Variants in ZMAT4 observed in about 807,000 individuals in gnomAD.
The protein encoded by ZMAT4 is zinc finger matrin-type protein 4.
Under a neutral mutation model 28.7 loss-of-function variants are expected in ZMAT4, and 17 were observed. That is an observed-to-expected ratio of 0.59 (90% confidence interval 0.41 to 0.89). The LOEUF is 0.89. Ranked by LOEUF, ZMAT4 falls within the 40% of genes least tolerant of loss-of-function variation. The pLI, the probability that ZMAT4 is intolerant of heterozygous loss-of-function variation, is 0.00. For missense variants in ZMAT4, 240 were observed against 283.8 expected (o/e 0.85, Z 1.11); for synonymous variants, 117 against 109.2 (o/e 1.07, Z -0.44).
chr8:40,722,488 T>C (rs377248167), intron 3 of ZMAT4, among the ~76,000 whole-genome samples: 4 of 152,310 alleles, frequency 2.6e-5, no homozygotes, highest in African/African-American at 9.6e-5. Flanking sequence ...CCCAGCTTTA[T>C]TATGCTTGTA....
chr8:40,842,635 G>T (rs1368794375), intron 1 of ZMAT4, among the ~76,000 whole-genome samples: 1 of 152,156 alleles, frequency 6.6e-6, no homozygotes, highest in Non-Finnish European at 1.5e-5. Context: ...CAGTGACATA[G>T]AAAGTCCATG....
chr8:40,852,772 G>A (rs1183705665), intron 1 of ZMAT4, among the ~76,000 whole-genome samples: 1 of 152,182 alleles, frequency 6.6e-6, no homozygotes, highest in Non-Finnish European at 1.5e-5. Flanking sequence ...TCAGAGTTAT[G>A]TAGATCTTCC....
chr8:40,689,688 ATCT>A (rs1175244547), intron 4 of ZMAT4, among the ~76,000 whole-genome samples: 1 of 151,612 alleles, frequency 6.6e-6, no homozygotes, highest in African/African-American at 2.4e-5. Context: ...TTGCCAGAAA[ATCT>A]TCTGCTTGTA....
At position 40,606,686 on chromosome 8, in the gene ZMAT4, C is replaced by T. The variant is rs143609694; in HGVS notation, c.578-25425G>A. Among the ~76,000 whole-genome samples the T allele has an allele frequency of 6.9e-3, 1,050 of 152,212 alleles. 12 individuals carry two copies. The highest frequency in any genetic ancestry group is 0.022 in the African/African-American group (915 of 41,522). ...GATTATCTTTTTGCAGTGAATTTCC[C>T]GGGTGTTGTTTGAGCTTCTTGTATT... On this transcript the variant is annotated intron_variant, in intron 5 of 6. Transcript: ENST00000297737.
chr8:40,890,541 G>A (rs1187954405), intron 1 of ZMAT4, among the ~76,000 whole-genome samples: 1 of 151,900 alleles, frequency 6.6e-6, no homozygotes, highest in Non-Finnish European at 1.5e-5. Flanking sequence ...TTCTCACCTG[G>A]ACAGCAGCAA....
chr8:40,613,627 T>C (rs1203912334), intron 5 of ZMAT4, among the ~76,000 whole-genome samples: 1 of 152,220 alleles, frequency 6.6e-6, no homozygotes, highest in Non-Finnish European at 1.5e-5. Context: ...TCTGCTTCTG[T>C]ATTAAATGTA....
At chr8:40,599,025 T>C (rs967039136) in intron 5 of ZMAT4, among the ~76,000 whole-genome samples, 6 of 152,206 alleles carry the variant, frequency 3.9e-5, no homozygotes, top group East Asian at 1.9e-4. Context: ...TTTTCTGAAC[T>C]CTTAAATGCC....
chr8:40,823,140 C>A lies in ZMAT4; in HGVS notation c.102+2435G>T, dbSNP rs145064609. Among the ~76,000 whole-genome samples the A allele has an allele frequency of 4.6e-5, 7 of 152,246 alleles. No homozygotes were observed. The East Asian group carries it at 7.7e-4, about 17-fold the overall frequency. ...TGCAGTTTTTTCACACACCCACCCC[C>A]TCCACGAACCCTCACTGAACACCTG... On this transcript the variant is annotated intron_variant, in intron 2 of 6. Transcript: ENST00000297737.
At position 40,862,135 on chromosome 8, in the gene ZMAT4, G is replaced by A. The variant is rs1438384668; in HGVS notation, c.-5+35548C>T. On this transcript the variant is annotated intron_variant, in intron 1 of 6. Coordinates refer to ENST00000297737, the MANE Select transcript of ZMAT4 (RefSeq NM_024645.3). ...CACACGCACACGTATGTTTATTGCG[G>A]CACTATACACAATAGCAAAGACTTG... is the stretch of plus-strand genomic sequence containing the variant. Among the ~76,000 whole-genome samples, 11 of 91,440 alleles carry A rather than the reference G, an allele frequency of 1.2e-4. 1 individual carries two copies. The South Asian group carries it at 3.5e-3, about 29-fold the overall frequency. The allele number at this position is 91,440 out of a possible 152,430, so 60.0% of individuals were successfully genotyped here. A position where few individuals can be genotyped will look rare whatever the true frequency, so the allele number is the denominator to read the frequency against.
intron 2 of ZMAT4, among the ~76,000 whole-genome samples, chr8:40,803,929 A>G (rs938000744): frequency 6.6e-6 from 1 of 152,224 alleles, no homozygotes; most frequent in African/African-American, 2.4e-5. Flanking sequence ...ATGAAAAGAC[A>G]TGAAGGAAAC....
chr8:40,662,564 A>C (rs1286054803), intron 5 of ZMAT4, among the ~76,000 whole-genome samples: 1 of 152,142 alleles, frequency 6.6e-6, no homozygotes, highest in Non-Finnish European at 1.5e-5. Context: ...AGACTTAACC[A>C]AGCGTCTTTA....
chr8:40,610,829 T>G (rs1445882931), intron 5 of ZMAT4, among the ~76,000 whole-genome samples: 1 of 150,816 alleles, frequency 6.6e-6, no homozygotes, highest in East Asian at 1.9e-4. Context: ...GAATAAGAGA[T>G]AGGCCATAGA....
intron 5 of ZMAT4, among the ~76,000 whole-genome samples, chr8:40,647,172 T>G (rs984774154): frequency 2.0e-4 from 31 of 152,140 alleles, no homozygotes; most frequent in Non-Finnish European, 4.3e-4. Context: ...ACCAGGTTCA[T>G]CTCACTAGGG....
chr8:40,895,198 C>T (rs934317556), intron 1 of ZMAT4, among the ~76,000 whole-genome samples: 5 of 152,158 alleles, frequency 3.3e-5, no homozygotes, highest in Admixed American at 2.6e-4. Flanking sequence ...GAGGAGAAAA[C>T]GCTGGGTCTG....
chr8:40,891,794 A>G (rs1271230913), intron 1 of ZMAT4, among the ~76,000 whole-genome samples: 1 of 152,046 alleles, frequency 6.6e-6, no homozygotes, highest in Admixed American at 6.5e-5. Flanking sequence ...GCGCCTCCCC[A>G]CACTCACTGC....
intron 5 of ZMAT4, among the ~76,000 whole-genome samples, chr8:40,589,764 T>TTTCTTTCTTTC (rs1804806174): frequency 7.4e-6 from 1 of 135,920 alleles, no homozygotes; most frequent in South Asian, 2.4e-4. Flanking sequence ...TTCTTTCTTT[T>TTTCTTTCTTTC]TCTTTCTTTC....
At chr8:40,691,619 C>A (rs918337878) in intron 4 of ZMAT4, among the ~76,000 whole-genome samples, 7 of 152,072 alleles carry the variant, frequency 4.6e-5, no homozygotes, top group Admixed American at 2.6e-4. Flanking sequence ...ATACAGAATC[C>A]TCAAACAATG....
At chr8:40,558,480 G>A (rs1803620651) in intron 6 of ZMAT4, among the ~76,000 whole-genome samples, 1 of 152,070 alleles carries the variant, frequency 6.6e-6, no homozygotes, top group African/African-American at 2.4e-5. Flanking sequence ...TGTGGAGGTG[G>A]AGTCACAGAA....
In ZMAT4 at chr8:40,593,246, C is replaced by G. The variant is rs117621423; in HGVS notation, c.578-11985G>C. 4.6e-3 allele frequency among the ~76,000 whole-genome samples: 704 copies of G among 152,248 alleles called. 3 individuals carry two copies. The highest frequency in any genetic ancestry group is 0.014 in the Middle Eastern group (4 of 294). The stretch of plus-strand genomic sequence containing the variant: ...TAGAACACAATTGTTAATTCAGCTT[C>G]CTTTATGCCTGAAGTGGATTGGGCT... On this transcript the variant is annotated intron_variant, in intron 5 of 6. Transcript: ENST00000297737.
Sources: gnomAD v4.1 joint callset for allele counts (sites outside exome capture counted in the v4.1 genomes callset) on GRCh38, gnomAD v4.1.1 for gene constraint, MANE v1.5 for transcripts, NCBI Gene and HGNC (gene_info 2026-07-23, HGNC 2026-07-21) for gene names.